ENOX1: variants seen among roughly 807,000 people sequenced by gnomAD.
The protein encoded by ENOX1 is candidate growth-related and time keeping constitutive hydroquinone (NADH) oxidase.
Under a neutral mutation model 82.5 loss-of-function variants are expected in ENOX1, and 42 were observed. The ratio of observed to expected loss-of-function variants is 0.51; its 90% CI spans 0.40 to 0.66. ENOX1 has a LOEUF of 0.66. Ranked by LOEUF, ENOX1 falls within the 30% of genes least tolerant of loss-of-function variation. The pLI is 0.00. For missense variants in ENOX1, 608 were observed against 811.6 expected (o/e 0.75, Z 3.05); for synonymous variants, 271 against 282.2 (o/e 0.96, Z 0.40).
chr13:43,485,238 C>G (rs1288494232), intron 2 of ENOX1, among the ~76,000 whole-genome samples: 5 of 152,140 alleles, frequency 3.3e-5, no homozygotes, highest in Admixed American at 1.3e-4. Context: ...AACACAGAGA[C>G]CCCCTGCAAC....
rs1284671638 is a variant in ENOX1, at chr13:43,775,565, C to T, written c.-285+11087G>A. On this transcript the variant is annotated intron_variant, in intron 1 of 16. Coordinates refer to ENST00000690772, the MANE Select transcript of ENOX1 (RefSeq NM_001347969.2). ...AATTTTAAGATTATTCCCATGTGTGCTACAATGCCTAAACTGCTCCTGGCA... is the reference window on the plus strand; with the variant it reads ...AATTTTAAGATTATTCCCATGTGTGTTACAATGCCTAAACTGCTCCTGGCA... 2.6e-5 allele frequency among the ~76,000 whole-genome samples: 4 copies of T among 152,196 alleles called. No homozygotes were observed. The East Asian group carries it at 7.7e-4, about 29-fold the overall frequency.
intron 3 of ENOX1, among the ~76,000 whole-genome samples, chr13:43,443,090 ATAT>A: frequency 6.6e-6 from 1 of 152,318 alleles, no homozygotes. Flanking sequence ...TTTTATATAA[ATAT>A]TATTCACTTG....
intron 2 of ENOX1, among the ~76,000 whole-genome samples, chr13:43,552,012 C>G (rs2079217810): frequency 1.3e-5 from 2 of 152,126 alleles, no homozygotes; most frequent in East Asian, 1.9e-4. Context: ...TGGTCTCTAC[C>G]TGATACCCTG....
At chr13:43,680,728 C>T (rs1306554274) in intron 1 of ENOX1, among the ~76,000 whole-genome samples, 3 of 152,144 alleles carry the variant, frequency 2.0e-5, no homozygotes, top group African/African-American at 7.2e-5. Context: ...ATTCCCAGCA[C>T]ACAGCAAGTA....
chr13:43,470,963 C>A (rs947178476), intron 3 of ENOX1, among the ~76,000 whole-genome samples: 2 of 152,112 alleles, frequency 1.3e-5, no homozygotes, highest in African/African-American at 4.8e-5. Context: ...GCAATTTCTT[C>A]AAAAATTAAG....
chr13:43,410,401 C>T (rs1411019979), intron 5 of ENOX1, among the ~76,000 whole-genome samples: 3 of 152,072 alleles, frequency 2.0e-5, no homozygotes, highest in Non-Finnish European at 4.4e-5. Context: ...TTATGTACAC[C>T]TACCTCCCTA....
At chr13:43,541,583 T>C (rs1454227868) in intron 2 of ENOX1, among the ~76,000 whole-genome samples, 1 of 152,190 alleles carries the variant, frequency 6.6e-6, no homozygotes, top group Non-Finnish European at 1.5e-5. Flanking sequence ...AAAGGCACAA[T>C]GAACCTCAGA....
At chr13:43,416,591 G>C in intron 3 of ENOX1, among the ~76,000 whole-genome samples, 1 of 150,064 alleles carries the variant, frequency 6.7e-6, no homozygotes. Context: ...CCGGGCAGAG[G>C]CGCTCCTCAC....
intron 2 of ENOX1, among the ~76,000 whole-genome samples, chr13:43,616,182 C>CTAGATATA (rs1566642150): frequency 1.3e-3 from 8 of 6,260 alleles, no homozygotes; most frequent in South Asian, 0.017. Context: ...ATCTATCTAT[C>CTAGATATA]TATCTATATA....
chr13:43,506,779 T>C (rs2077184757), intron 2 of ENOX1, among the ~76,000 whole-genome samples: 1 of 144,512 alleles, frequency 6.9e-6, no homozygotes, highest in Non-Finnish European at 1.5e-5. Context: ...AGGTGGGAAT[T>C]GAACAATGAG....
intron 2 of ENOX1, among the ~76,000 whole-genome samples, chr13:43,570,696 G>A (rs958877545): frequency 1.3e-5 from 2 of 152,094 alleles, no homozygotes; most frequent in African/African-American, 4.8e-5. Context: ...GAGTGAATGA[G>A]TGCCTTTCAT....
chr13:43,389,752 A>G (rs149074097), intron 5 of ENOX1, among the ~76,000 whole-genome samples: 271 of 152,304 alleles, frequency 1.8e-3, no homozygotes, highest in African/African-American at 5.8e-3. Context: ...TCATGATGCA[A>G]CTGGTTGGAA....
intron 1 of ENOX1, among the ~76,000 whole-genome samples, chr13:43,775,430 C>A (rs1951857464): frequency 6.6e-6 from 1 of 152,174 alleles, no homozygotes; most frequent in Non-Finnish European, 1.5e-5. Context: ...GTGTGAGTCA[C>A]CTCACCTAGC....
intron 1 of ENOX1, among the ~76,000 whole-genome samples, chr13:43,770,213 A>G (rs961519137): frequency 6.6e-6 from 1 of 152,220 alleles, no homozygotes; most frequent in Non-Finnish European, 1.5e-5. Flanking sequence ...AGTTTGGACG[A>G]AGTTAGCATA....
At chr13:43,416,006 C>T (rs1231113186) in intron 3 of ENOX1, among the ~76,000 whole-genome samples, 1 of 149,654 alleles carries the variant, frequency 6.7e-6, no homozygotes, top group East Asian at 2.0e-4. Context: ...CTCCCCATCT[C>T]CCAGACGGGG....
chr13:43,399,392 G>T (rs2053359570), intron 5 of ENOX1, among the ~76,000 whole-genome samples: 2 of 152,178 alleles, frequency 1.3e-5, no homozygotes, highest in Non-Finnish European at 2.9e-5. Context: ...CACGTGGCTT[G>T]CAGAGAATGG....
chr13:43,349,583 T>C (rs1031788456), intron 8 of ENOX1, among the ~76,000 whole-genome samples: 2 of 152,186 alleles, frequency 1.3e-5, no homozygotes, highest in Non-Finnish European at 2.9e-5. Flanking sequence ...CTCTTTGCTA[T>C]ATTCTAAGAC....
rs553504525 is a variant in ENOX1 at position 43,541,173 on chromosome 13, G to GTTTTTTTTTTTTT, written c.-218-57034_-218-57022dup. 3.9e-4 allele frequency among the ~76,000 whole-genome samples: 25 copies of GTTTTTTTTTTTTT among 64,578 alleles called. 5 individuals are homozygous for GTTTTTTTTTTTTT. In the South Asian group the frequency reaches 8.2e-3, roughly 21 times the overall value. The allele number at this position is 64,578 out of a possible 152,430, so 42.4% of individuals were successfully genotyped here. On this transcript the variant is annotated intron_variant, in intron 2 of 16. Coordinates refer to ENST00000690772, the MANE Select transcript of ENOX1 (RefSeq NM_001347969.2). Reference sequence around the variant, plus strand: ...CTCCAACCTTACACTTCTTCCCTCTGTTTTTTTTTTTTTTTTTTTTTTTTT... The same window carrying GTTTTTTTTTTTTT: ...CTCCAACCTTACACTTCTTCCCTCTGTTTTTTTTTTTTTTTTTTTTTTTTTTTTTTTTTTTTTT...
intron 1 of ENOX1, among the ~76,000 whole-genome samples, chr13:43,781,291 A>G (rs1295652426): frequency 6.6e-6 from 1 of 152,122 alleles, no homozygotes; most frequent in African/African-American, 2.4e-5. Context: ...TAATTCCACA[A>G]AATATATACT....
Sources: gnomAD v4.1 joint callset for allele counts (sites outside exome capture counted in the v4.1 genomes callset) on GRCh38, gnomAD v4.1.1 for gene constraint, MANE v1.5 for transcripts, NCBI Gene and HGNC (gene_info 2026-07-23, HGNC 2026-07-21) for gene names.